The following EVC2 variants were observed in gnomAD, a reference collection of about 807,000 sequenced individuals.
EVC2 encodes the protein limbin.
In EVC2, 148 loss-of-function variants were observed where a neutral mutation model predicts 149.3. The ratio of observed to expected loss-of-function variants is 0.99; its 90% confidence interval spans 0.87 to 1.14. The LOEUF (loss-of-function observed/expected upper bound fraction) is 1.14. Among genes scored for constraint, EVC2 ranks in the 50% most tolerant of loss-of-function variants. EVC2 has a pLI of 0.00. For synonymous variants in EVC2, 776 were observed against 649.9 expected (o/e 1.19, Z -2.95); for missense variants, 1,854 against 1,627.3 (o/e 1.14, Z -2.40).
At chr4:5,616,551 C>T (rs1204484994) in intron 15 of EVC2, among the ~76,000 whole-genome samples, 1 of 152,214 alleles carries the variant, frequency 6.6e-6, no homozygotes, top group Non-Finnish European at 1.5e-5. Context: ...ATGCACTAAG[C>T]ATCCACTAAC....
At chr4:5,615,323 C>T in intron 16 of EVC2, 99 bp downstream of exon 16, 1 of 1,585,570 alleles carries the variant, frequency 6.3e-7, no homozygotes, top group Admixed American at 1.8e-5. Flanking sequence ...AGATGGATGG[C>T]ACAGCCCCAA....
At chr4:5,680,337 G>A (rs1283656158) in intron 7 of EVC2, among the ~76,000 whole-genome samples, 1 of 152,126 alleles carries the variant, frequency 6.6e-6, no homozygotes, top group African/African-American at 2.4e-5. Context: ...TGTTATGATT[G>A]GCAGCACAGT....
intron 21 of EVC2, among the ~76,000 whole-genome samples, chr4:5,551,311 A>T (rs1041756995): frequency 1.3e-5 from 2 of 152,338 alleles, no homozygotes; most frequent in South Asian, 4.1e-4. Context: ...GTTGCCCAAG[A>T]CTAGGGGAAC....
Position 5,618,573 on chromosome 4 carries a change from T to C in EVC2, c.2611A>G (p.Ile871Val), listed in dbSNP as rs577623210. Residue 871 changes from isoleucine (I) to valine (V), a missense_variant, in exon 15 of 22, where the codon ATC (isoleucine) becomes GTC (valine). Physicochemically the swap from Ile to Val is conservative, Grantham distance 29. Coordinates refer to ENST00000344408, the MANE Select transcript of EVC2 (RefSeq NM_147127.5). The surrounding 1 kb of genome is among the most constrained non-coding windows in gnomAD (Gnocchi z 4.4). ...QMDRSLALPKIRARVLLQQFQ... is the reference protein window; with the variant it reads ...QMDRSLALPKVRARVLLQQFQ... ...TGCTGCAGCAGAACTCGGGCCCGGA[T>C]CTTGGGGAGGGCCAAGCTCCTGTCC... is the stretch of plus-strand genomic sequence containing the variant. 97 of 1,614,100 alleles carry C rather than the reference T, an allele frequency of 6.0e-5. No homozygotes were observed. The South Asian group carries it at 1.0e-3, about 17-fold the overall frequency.
At position 5,671,701 on chromosome 4, in the gene EVC2, G is replaced by A. The variant is rs191312499; in HGVS notation, c.871-6052C>T. ...TAATTTTTGTACTTTTTGTAGAGAC[G>A]GGGTTTCACCATGTTGGCCAGGCTT... On this transcript the variant is annotated intron_variant, in intron 7 of 21. Transcript: ENST00000344408. Among the ~76,000 whole-genome samples the A allele has an allele frequency of 4.7e-3, 716 of 152,104 alleles. 7 individuals carry two copies. Among genetic ancestry groups the A allele is most frequent in the Middle Eastern group, 0.017 (5 of 294 alleles).
chr4:5,628,704 G>C lies in EVC2; in HGVS notation c.1741C>G (p.Gln581Glu). 1 of 1,612,610 alleles carries C rather than the reference G, an allele frequency of 6.2e-7. No homozygotes were observed. Among genetic ancestry groups the C allele is most frequent in the Non-Finnish European group, 8.5e-7 (1 of 1,179,846 alleles). ...CTTAGATGATACCTCTTACTAGCCT[G>C]GAAAAAGTCCATTAACTCTTCTACA... ...ENVEELMDFF[Q>E]ASKRYHLSKR... is the part of the protein sequence containing the mutation. Residue 581 changes from glutamine to glutamate, a missense_variant, in exon 12 of 22, where the codon CAG becomes GAG. Physicochemically the swap from Gln to Glu is conservative, Grantham distance 29. Coordinates refer to ENST00000344408, the MANE Select transcript of EVC2 (RefSeq NM_147127.5).
chr4:5,576,500 G>A lies in EVC2; in HGVS notation c.3058-46C>T, dbSNP rs1288676777. 2.4e-5 allele frequency: 37 copies of A among 1,543,822 alleles called. No individual in the cohort carries two copies. The highest frequency in any genetic ancestry group is 3.0e-5 in the Non-Finnish European group (35 of 1,148,960). ...GGGTAAGCACCACTGCACAAGGCGGGTGGGGTGGAGGACAAAATCTGACCT... is the reference window on the plus strand; with the variant it reads ...GGGTAAGCACCACTGCACAAGGCGGATGGGGTGGAGGACAAAATCTGACCT... On this transcript the variant is annotated intron_variant, in intron 17 of 21. Transcript: ENST00000344408. The surrounding 1 kb of genome is among the most constrained non-coding windows in gnomAD (Gnocchi z 4.5).
Position 5,679,868 on chromosome 4 carries a change from C to A in EVC2, c.870+1392G>T, listed in dbSNP as rs1392501108. On this transcript the variant is annotated intron_variant, in intron 7 of 21. Coordinates refer to ENST00000344408, the MANE Select transcript of EVC2 (RefSeq NM_147127.5). The surrounding 1 kb of genome is among the most constrained non-coding windows in gnomAD (Gnocchi z 5.1). ...TTTTGACTCTTTGGTAATAACACAG[C>A]TTAAAACACAAACACACTGTACAGC... 1.3e-5 allele frequency among the ~76,000 whole-genome samples: 2 copies of A among 152,080 alleles called. No homozygotes were observed. The highest frequency in any genetic ancestry group is 4.8e-5 in the African/African-American group (2 of 41,384).
chr4:5,685,941 G>C (rs1306282496), intron 5 of EVC2, among the ~76,000 whole-genome samples: 1 of 152,140 alleles, frequency 6.6e-6, no homozygotes, highest in African/African-American at 2.4e-5. Flanking sequence ...TCTCACCTAA[G>C]CTTGTCCTCC....
rs1304009872 is a variant in EVC2, at chr4:5,567,802, T to A, written c.3557+642A>T. Among the ~76,000 whole-genome samples, 1 of 151,582 alleles carries A rather than the reference T, an allele frequency of 6.6e-6. No individual in the cohort carries two copies. Among genetic ancestry groups the A allele is most frequent in the Non-Finnish European group, 1.5e-5 (1 of 68,014 alleles). ...TACACCCCTTAGCATGAGGAGCCAG[T>A]AAAAATAATATCCACCTGTGCCACG... On this transcript the variant is annotated intron_variant, in intron 20 of 21. Coordinates refer to ENST00000344408, the MANE Select transcript of EVC2 (RefSeq NM_147127.5). The surrounding 1 kb of genome is among the most constrained non-coding windows in gnomAD (Gnocchi z 4.4).
chr4:5,638,289 T>C (rs909996791), intron 10 of EVC2, among the ~76,000 whole-genome samples: 5 of 151,900 alleles, frequency 3.3e-5, no homozygotes, highest in African/African-American at 1.2e-4. Flanking sequence ...CTCGGGAGGC[T>C]GAGGCAAGAG....
chr4:5,531,544 C>T, the EVC2 span, among the ~76,000 whole-genome samples: 2 of 152,166 alleles, frequency 1.3e-5, no homozygotes, highest in Non-Finnish European at 2.9e-5. Context: ...GCTCGCATTA[C>T]TGTGTGAGCT....
In EVC2 at chr4:5,640,778, G is replaced by A. The variant is rs1484497216; in HGVS notation, c.1206C>T (p.Ile402=). Residue 402 remains isoleucine, a synonymous_variant, in exon 10 of 22, where the codon ATC becomes ATT. Transcript: ENST00000344408. This position sits in a 1 kb window ranked among gnomAD's most constrained non-coding sequence, Gnocchi z 4.6. ...GCAGAAGGGCAATGATATCCTTGCT[G>A]ATTTGTGTTCGACAAGCCTCCAGAT... The part of the protein sequence containing the change: ...DADLEACRTQ[I]SKDIIALLLK... 3 of 1,614,188 alleles carry A rather than the reference G, an allele frequency of 1.9e-6. No homozygotes were observed. Among genetic ancestry groups the A allele is most frequent in the Admixed American group, 1.7e-5 (1 of 60,014 alleles).
chr4:5,598,730 A>T (rs1326208971), intron 16 of EVC2, among the ~76,000 whole-genome samples: 1 of 152,210 alleles, frequency 6.6e-6, no homozygotes, highest in Non-Finnish European at 1.5e-5. Context: ...GGATCTCATT[A>T]AACTAAAGAG....
intron 17 of EVC2, among the ~76,000 whole-genome samples, chr4:5,577,403 G>A (rs907873089): frequency 2.0e-5 from 3 of 152,190 alleles, no homozygotes; most frequent in Admixed American, 6.5e-5. Flanking sequence ...AGGCCTTGGA[G>A]AATGCAGGCA....
chr4:5,658,297 A>T (rs913590246), intron 9 of EVC2, among the ~76,000 whole-genome samples: 2 of 152,234 alleles, frequency 1.3e-5, no homozygotes, highest in African/African-American at 4.8e-5. Context: ...TCAAAGAACA[A>T]GTGAACAAAG....
rs1006370310 is a variant in EVC2 at position 5,633,760 on chromosome 4, G to A, written c.1471-1728C>T. ...CAGGGCAAAGGCCAGAGCTCCTTCAGGCTAAACAAGGTTGGAATGCTCTAT... is the reference window on the plus strand; with the variant it reads ...CAGGGCAAAGGCCAGAGCTCCTTCAAGCTAAACAAGGTTGGAATGCTCTAT... On this transcript the variant is annotated intron_variant, in intron 10 of 21. Transcript: ENST00000344408. This position sits in a 1 kb window ranked among gnomAD's most constrained non-coding sequence, Gnocchi z 4.4. 2.0e-5 allele frequency among the ~76,000 whole-genome samples: 3 copies of A among 152,232 alleles called. No individual in the cohort carries two copies. The highest frequency in any genetic ancestry group is 1.3e-4 in the Admixed American group (2 of 15,284).
chr4:5,656,422 C>A (rs917152735), intron 9 of EVC2, among the ~76,000 whole-genome samples: 1 of 152,188 alleles, frequency 6.6e-6, no homozygotes, highest in African/African-American at 2.4e-5. Context: ...GATTTCCAGC[C>A]CTAATTCCTG....
chr4:5,561,407 T>C (rs1481213127), downstream of EVC2, among the ~76,000 whole-genome samples: 1 of 152,194 alleles, frequency 6.6e-6, no homozygotes, highest in Non-Finnish European at 1.5e-5. Flanking sequence ...TTCTGATGGA[T>C]GGGAAAACTG....
Sources: allele counts gnomAD v4.1 joint callset (sites outside exome capture counted in the v4.1 genomes callset), GRCh38; gene constraint gnomAD v4.1.1; non-coding constraint Gnocchi (gnomAD v3.1); transcripts MANE v1.5; gene names NCBI Gene and HGNC (gene_info 2026-07-23, HGNC 2026-07-21).